The following PLXNA4 variants were observed in gnomAD, a reference collection of about 807,000 sequenced individuals.
PLXNA4 encodes the protein plexin-A4.
In PLXNA4, 44 loss-of-function variants were observed where a neutral mutation model predicts 191.8. That is an observed-to-expected ratio of 0.23 (90% CI 0.18 to 0.29). PLXNA4 has a LOEUF of 0.29. Among genes scored for constraint, PLXNA4 ranks in the 10% least tolerant of loss-of-function variants. The probability of loss-of-function intolerance (pLI) is 1.00; values close to 1 mark genes in which losing one functional copy is unlikely to be tolerated. For missense variants in PLXNA4, 1,800 were observed against 2,488.8 expected (o/e 0.72, Z 5.89); for synonymous variants, 1,082 against 1,009.5 (o/e 1.07, Z -1.36).
intron 2 of PLXNA4, among the ~76,000 whole-genome samples, chr7:132,633,870 C>A (rs1171201229): frequency 3.9e-5 from 6 of 152,086 alleles, no homozygotes; most frequent in Non-Finnish European, 7.4e-5. Flanking sequence ...TATCTTCTCC[C>A]TTGTCACCCA....
chr7:132,386,670 C>T (rs1029931718), intron 3 of PLXNA4, among the ~76,000 whole-genome samples: 1 of 152,176 alleles, frequency 6.6e-6, no homozygotes, highest in Non-Finnish European at 1.5e-5. Context: ...GTTAAACCGT[C>T]GTCTGAAATA....
intron 3 of PLXNA4, among the ~76,000 whole-genome samples, chr7:132,406,044 G>C (rs1794206147): frequency 6.6e-6 from 1 of 152,172 alleles, no homozygotes; most frequent in African/African-American, 2.4e-5. Context: ...GACTCAATGT[G>C]GCCTCAGTGC....
Position 132,633,282 on chromosome 7 carries a change from ATTT to A in PLXNA4, c.-87+12643_-87+12645del, listed in dbSNP as rs10706159. On this transcript the variant is annotated intron_variant, in intron 2 of 4. Transcript: ENST00000378539. Reference sequence around the variant, plus strand: ...GAAAACAGTGGGGCTTGAGGTTCTCATTTTTTTTTTTTTTTTTTTAAGACGGAG... The same window carrying A: ...GAAAACAGTGGGGCTTGAGGTTCTCATTTTTTTTTTTTTTTTAAGACGGAG... 1.9e-3 allele frequency among the ~76,000 whole-genome samples: 260 copies of A among 134,286 alleles called. 1 individual carries two copies. Among genetic ancestry groups the A allele is most frequent in the African/African-American group, 6.3e-3 (232 of 36,990 alleles). 88.1% of individuals were successfully genotyped at this position (134,286 alleles called of 152,430 possible).
At chr7:132,345,747 C>T (rs1803220248) in intron 3 of PLXNA4, among the ~76,000 whole-genome samples, 1 of 152,216 alleles carries the variant, frequency 6.6e-6, no homozygotes, top group South Asian at 2.1e-4. Flanking sequence ...ACTGGCAGAA[C>T]AGTCCCAGCC....
At chr7:132,526,786 C>T (rs1403190873) in intron 1 of PLXNA4, among the ~76,000 whole-genome samples, 2 of 152,154 alleles carry the variant, frequency 1.3e-5, no homozygotes, top group African/African-American at 2.4e-5. Flanking sequence ...GGACTGATGG[C>T]ACACCTTCAC....
chr7:132,353,462 A>ATG (rs1491411413), intron 3 of PLXNA4, among the ~76,000 whole-genome samples: 3 of 151,320 alleles, frequency 2.0e-5, no homozygotes, highest in African/African-American at 7.3e-5. Flanking sequence ...ATATATATAT[A>ATG]TGTTGGAAAA....
At chr7:132,164,118 G>T in intron 24 of PLXNA4, 24 bp downstream of exon 24, 1 of 1,613,034 alleles carries the variant, frequency 6.2e-7, no homozygotes, top group South Asian at 1.1e-5. Context: ...CAAAGCCCCA[G>T]GGGAAACAGA....
chr7:132,202,917 G>A (rs1797488722), intron 11 of PLXNA4, 81 bp from the exon 12 acceptor site: 5 of 1,368,726 alleles, frequency 3.7e-6, no homozygotes, highest in Non-Finnish European at 4.9e-6. Context: ...GACAAAGAGT[G>A]CAGTGCCAGC....
chr7:132,238,276 T>C (rs1210165299), intron 5 of PLXNA4, among the ~76,000 whole-genome samples: 1 of 152,112 alleles, frequency 6.6e-6, no homozygotes, highest in Admixed American at 6.5e-5. Flanking sequence ...TTGATGAAAA[T>C]GTGACCAGAG....
At chr7:132,443,820 T>A (rs1261972524) in intron 3 of PLXNA4, among the ~76,000 whole-genome samples, 1 of 152,236 alleles carries the variant, frequency 6.6e-6, no homozygotes, top group African/African-American at 2.4e-5. Flanking sequence ...TCAAAACATT[T>A]CTGGCATAAC....
chr7:132,645,011 G>T (rs545198872), intron 2 of PLXNA4, among the ~76,000 whole-genome samples: 5 of 152,336 alleles, frequency 3.3e-5, no homozygotes. Flanking sequence ...ACCACACCCA[G>T]TGGCTCTGGG....
At chr7:132,470,094 T>G (rs1000862198) in intron 3 of PLXNA4, among the ~76,000 whole-genome samples, 1 of 152,230 alleles carries the variant, frequency 6.6e-6, no homozygotes, top group Non-Finnish European at 1.5e-5. Context: ...TCAAAAGTTT[T>G]TTATGCCCAA....
At chr7:132,147,807 T>A in intron 27 of PLXNA4, 93 bp downstream of exon 27, 1 of 1,552,838 alleles carries the variant, frequency 6.4e-7, no homozygotes, top group Admixed American at 1.8e-5. Context: ...ATCTCCCCTC[T>A]CCAAGAGTCT....
chr7:132,327,371 T>A (rs887672279), intron 3 of PLXNA4, among the ~76,000 whole-genome samples: 1 of 152,144 alleles, frequency 6.6e-6, no homozygotes, highest in African/African-American at 2.4e-5. Flanking sequence ...AGATTAAATA[T>A]ATAGATTTTT....
At chr7:132,633,833 A>T (rs1037715061) in intron 2 of PLXNA4, among the ~76,000 whole-genome samples, 1 of 152,006 alleles carries the variant, frequency 6.6e-6, no homozygotes, top group African/African-American at 2.4e-5. Flanking sequence ...CAGAAATGCA[A>T]ACCTGTGATT....
chr7:132,224,218 C>G (rs1798239185), intron 8 of PLXNA4, among the ~76,000 whole-genome samples: 1 of 152,160 alleles, frequency 6.6e-6, no homozygotes, highest in Admixed American at 6.5e-5. Flanking sequence ...TCAAATGCCT[C>G]TCCATACAGG....
At chr7:132,486,435 C>T (rs118187303) in intron 3 of PLXNA4, among the ~76,000 whole-genome samples, 2 of 152,344 alleles carry the variant, frequency 1.3e-5, no homozygotes, top group East Asian at 1.9e-4. Context: ...ACAACAGACT[C>T]GGCAGCCCAG....
At chr7:132,505,424 G>A (rs1798425229) in intron 2 of PLXNA4, among the ~76,000 whole-genome samples, 1 of 152,186 alleles carries the variant, frequency 6.6e-6, no homozygotes, top group African/African-American at 2.4e-5. Flanking sequence ...TTTTAAGAAA[G>A]TTTTCTACAG....
intron 1 of PLXNA4, among the ~76,000 whole-genome samples, chr7:132,646,619 C>T (rs182839829): frequency 1.1e-3 from 162 of 152,264 alleles, no homozygotes; most frequent in Admixed American, 4.7e-3. Context: ...CACCAGGAAC[C>T]AATCCTACTG....
Sources: gnomAD v4.1 joint callset for allele counts (sites outside exome capture counted in the v4.1 genomes callset) on GRCh38, gnomAD v4.1.1 for gene constraint, MANE v1.5 for transcripts, NCBI Gene and HGNC (gene_info 2026-07-23, HGNC 2026-07-21) for gene names.